FRY: variants seen among roughly 807,000 people sequenced by gnomAD.
FRY encodes protein furry homolog.
FRY carries 128 observed loss-of-function variants against 348.4 expected under a neutral mutation model. The observed-to-expected ratio is 0.37, with a 90% CI of 0.32 to 0.43. The LOEUF is 0.43. Among genes scored for constraint, FRY ranks in the 20% least tolerant of loss-of-function variants. The probability of loss-of-function intolerance (pLI) is 1.00; values close to 1 mark genes in which losing one functional copy is unlikely to be tolerated. For synonymous variants in FRY, 1,370 were observed against 1,374.7 expected, an observed-to-expected ratio of 1.00 and a Z score of 0.08; for missense variants, 2,736 against 3,695.2, an observed-to-expected ratio of 0.74 and a Z score of 6.73.
chr13:32,191,824 C>T (rs182707470), intron 28 of FRY, among the ~76,000 whole-genome samples: 3 of 152,268 alleles, frequency 2.0e-5, no homozygotes, highest in African/African-American at 7.2e-5. Flanking sequence ...ACCTAATCAC[C>T]TCCTAAAGGC....
intron 1 of FRY, among the ~76,000 whole-genome samples, chr13:32,046,931 G>A (rs536664907): frequency 3.7e-4 from 57 of 152,204 alleles, no homozygotes; most frequent in Non-Finnish European, 7.1e-4. Flanking sequence ...GGACTGTTAC[G>A]ATCATGTGCT....
At chr13:32,090,209 G>A (rs1406588582) in intron 2 of FRY, among the ~76,000 whole-genome samples, 4 of 151,900 alleles carry the variant, frequency 2.6e-5, no homozygotes, top group African/African-American at 9.7e-5. Context: ...TTAGCCAGGC[G>A]TGGTGGTGGG....
chr13:32,056,887 T>C (rs1356784387), intron 1 of FRY, among the ~76,000 whole-genome samples: 1 of 152,216 alleles, frequency 6.6e-6, no homozygotes, highest in African/African-American at 2.4e-5. Flanking sequence ...ACTGAGGTTC[T>C]AAAACCTCAG....
At chr13:32,070,602 T>C (rs1874588500) in intron 1 of FRY, among the ~76,000 whole-genome samples, 1 of 152,018 alleles carries the variant, frequency 6.6e-6, no homozygotes, top group African/African-American at 2.4e-5. Context: ...TCTTTGTAGA[T>C]TCTGGATATT....
At chr13:32,247,075 A>G (rs189334324) in intron 47 of FRY, among the ~76,000 whole-genome samples, 59 of 152,046 alleles carry the variant, frequency 3.9e-4, no homozygotes, top group Admixed American at 2.6e-4. Context: ...ATGGTACCTC[A>G]TTAATAAGAA....
At chr13:32,078,061 CA>C (rs1566058719) in intron 1 of FRY, among the ~76,000 whole-genome samples, 1 of 152,078 alleles carries the variant, frequency 6.6e-6, no homozygotes, top group South Asian at 2.1e-4. Flanking sequence ...TTTATGAATT[CA>C]AAAAAAGTTT....
chr13:32,247,350 A>G lies in FRY; in HGVS notation c.6856A>G (p.Ile2286Val). The G allele has an allele frequency of 1.2e-6, 2 of 1,613,578 alleles. No homozygotes were observed. The highest frequency in any genetic ancestry group is 1.7e-6 in the Non-Finnish European group (2 of 1,179,592). The change falls in exon 48 of 61, where the codon ATC (isoleucine) becomes GTC (valine). Residue 2286 changes from isoleucine to valine, a missense_variant. This residue lies in a region of FRY where 789 missense variants were observed against 996.2 expected (regional missense o/e 0.79). Transcript: ENST00000542859. ...QSVHWREALN[I>V]LKLVVSRSAS... is the part of the protein sequence containing the mutation. ...TGTTCACTGGAGAGAAGCTCTGAAT[A>G]TCTTGAAGCTGGTAGTTTCTCGGTC...
chr13:32,182,913 G>A (rs1047931013), intron 23 of FRY, 64 bp from the exon 24 acceptor site: 3 of 975,498 alleles, frequency 3.1e-6, no homozygotes, highest in African/African-American at 3.2e-5. Flanking sequence ...TGGATATAGA[G>A]TATTTAGTGA....
At chr13:32,282,549 C>A (rs1888860793) in intron 58 of FRY, among the ~76,000 whole-genome samples, 1 of 152,210 alleles carries the variant, frequency 6.6e-6, no homozygotes, top group Non-Finnish European at 1.5e-5. Flanking sequence ...GAAAGCTTCT[C>A]AACCCCCAAG....
chr13:32,138,193 T>A (rs1879841760), intron 11 of FRY, among the ~76,000 whole-genome samples: 1 of 152,046 alleles, frequency 6.6e-6, no homozygotes, highest in Non-Finnish European at 1.5e-5. Flanking sequence ...TAGCCTAGTG[T>A]CATTTGTTAA....
rs769659250 is a variant in FRY, at chr13:32,031,885, CTTTT to C, written c.70+22_70+25del. 1 of 1,355,392 alleles carries C rather than the reference CTTTT, an allele frequency of 7.4e-7. No individual in the cohort carries two copies. The highest frequency in any genetic ancestry group is 1.1e-6 in the Non-Finnish European group (1 of 946,192). The allele number at this position is 1,355,392 out of a possible 1,614,324, so 84.0% of individuals were successfully genotyped here. On this transcript the variant is annotated intron_variant, in intron 1 of 60. Coordinates refer to ENST00000542859, the MANE Select transcript of FRY (RefSeq NM_023037.3). ...GTAATAGTGAGTAATAGAAAATAAC[CTTTT>C]TGTTTGTTTGTTTGCTGGATGTTGC... is the stretch of plus-strand genomic sequence containing the variant.
At chr13:32,041,283 C>CT (rs11286980) in intron 1 of FRY, among the ~76,000 whole-genome samples, 684 of 65,048 alleles carry the variant, frequency 0.011, 88 homozygotes, top group South Asian at 0.018. Context: ...TAATCTTCTG[C>CT]TTTTTTTTTT....
chr13:32,154,961 G>A (rs559942267), intron 14 of FRY, among the ~76,000 whole-genome samples: 1 of 152,296 alleles, frequency 6.6e-6, no homozygotes, highest in East Asian at 1.9e-4. Flanking sequence ...TCAGTAACAG[G>A]TTCTGTGGCA....
chr13:32,250,586 T>G (rs2806631), intron 49 of FRY, among the ~76,000 whole-genome samples: 11 of 152,190 alleles, frequency 7.2e-5, no homozygotes, highest in Non-Finnish European at 1.3e-4. Flanking sequence ...TTTGACATCC[T>G]TAGCAATTCT....
intron 7 of FRY, among the ~76,000 whole-genome samples, chr13:32,131,454 G>C (rs899596711): frequency 1.3e-5 from 2 of 152,180 alleles, no homozygotes; most frequent in Non-Finnish European, 2.9e-5. Flanking sequence ...GCCTGATGAA[G>C]ATGTTGAGCA....
chr13:32,213,155 G>A (rs1356429523), intron 35 of FRY, among the ~76,000 whole-genome samples: 1 of 152,174 alleles, frequency 6.6e-6, no homozygotes, highest in Non-Finnish European at 1.5e-5. Context: ...CATATTAAAG[G>A]TAATTTAGGG....
Position 32,135,166 on chromosome 13 carries a change from C to T in FRY, c.1060C>T (p.Arg354Ter), listed in dbSNP as rs1879627728. Reference sequence around the variant, plus strand: ...TGACACCACGCTGGAACTTTCTTCTCGAAAGAAGCATTCCTTGGTTAGTAA... The same window carrying T: ...TGACACCACGCTGGAACTTTCTTCTTGAAAGAAGCATTCCTTGGTTAGTAA... ...LYDTTLELSS[R>*]KKHSLALYPL... The change falls in exon 10 of 61, where the codon CGA becomes TGA. Residue 354 changes from arginine to a stop codon, truncating the protein, a stop_gained. Transcript: ENST00000542859. LOFTEE classifies it high-confidence loss of function. 1 of 1,603,904 alleles carries T rather than the reference C, an allele frequency of 6.2e-7. No individual in the cohort carries two copies. Among genetic ancestry groups the T allele is most frequent in the Non-Finnish European group, 8.5e-7 (1 of 1,170,732 alleles).
At chr13:32,246,803 G>C (rs960993183) in intron 47 of FRY, among the ~76,000 whole-genome samples, 46 of 152,210 alleles carry the variant, frequency 3.0e-4, no homozygotes, top group African/African-American at 1.1e-3. Flanking sequence ...GGAAAGAAAG[G>C]GTTAAGAAGG....
intron 1 of FRY, among the ~76,000 whole-genome samples, chr13:32,077,677 G>A (rs539439053): frequency 6.6e-6 from 1 of 152,302 alleles, no homozygotes; most frequent in African/African-American, 2.4e-5. Flanking sequence ...CAGAAAGAAG[G>A]CAAGAGAAGC....
Sources: allele counts gnomAD v4.1 joint callset (sites outside exome capture counted in the v4.1 genomes callset), GRCh38; gene constraint gnomAD v4.1.1; regional missense constraint gnomAD v4.1.1; transcripts MANE v1.5; gene names NCBI Gene and HGNC (gene_info 2026-07-23, HGNC 2026-07-21).